CLEC16A: variants seen among roughly 807,000 people sequenced by gnomAD.
The protein encoded by CLEC16A is protein CLEC16A.
A neutral mutation model predicts 109.5 loss-of-function variants in CLEC16A; 51 were observed. The observed-to-expected ratio is 0.47, with a 90% confidence interval of 0.37 to 0.59. CLEC16A has a LOEUF of 0.59. Ranked by LOEUF, CLEC16A falls within the 20% of genes least tolerant of loss-of-function variation. The pLI, the probability that CLEC16A is intolerant of heterozygous loss-of-function variation, is 0.00. For synonymous variants in CLEC16A, 673 were observed against 564.2 expected (o/e 1.19, Z -2.73); for missense variants, 1,339 against 1,394.0 (o/e 0.96, Z 0.63).
chr16:10,978,114 C>T (rs1048519891), intron 8 of CLEC16A, among the ~76,000 whole-genome samples: 2 of 152,310 alleles, frequency 1.3e-5, no homozygotes, highest in Admixed American at 6.5e-5. Flanking sequence ...GGATGGAGCA[C>T]ACTCAGGGAA....
intron 18 of CLEC16A, among the ~76,000 whole-genome samples, chr16:11,052,933 A>T (rs542530142): frequency 2.0e-5 from 3 of 152,016 alleles, no homozygotes; most frequent in African/African-American, 7.2e-5. Flanking sequence ...GTGAGCTGTG[A>T]TCCATCCTGG....
intron 19 of CLEC16A, among the ~76,000 whole-genome samples, chr16:11,117,371 C>A (rs1186524018): frequency 6.6e-6 from 1 of 152,192 alleles, no homozygotes; most frequent in Non-Finnish European, 1.5e-5. Context: ...CTCTTCTAAT[C>A]AGAGGCTTCT....
At chr16:11,061,248 G>T (rs1421658518) in intron 19 of CLEC16A, among the ~76,000 whole-genome samples, 2 of 152,182 alleles carry the variant, frequency 1.3e-5, no homozygotes, top group Non-Finnish European at 2.9e-5. Context: ...CACACAGCTG[G>T]TTCTCTAAAA....
intron 21 of CLEC16A, 75 bp downstream of exon 21, chr16:11,124,021 C>T (rs931511429): frequency 6.2e-6 from 8 of 1,289,540 alleles, no homozygotes; most frequent in Non-Finnish European, 7.6e-6. Flanking sequence ...CTCACACTGA[C>T]CTTGAGAACC....
chr16:11,118,986 G>T (rs1006877657), intron 19 of CLEC16A, among the ~76,000 whole-genome samples: 1 of 152,024 alleles, frequency 6.6e-6, no homozygotes, highest in Non-Finnish European at 1.5e-5. Flanking sequence ...ATTCTGTTCT[G>T]TTGGTCCATG....
In CLEC16A at chr16:11,166,566, G is replaced by A; in HGVS notation, c.2806+14G>A. On this transcript the variant is annotated intron_variant, in intron 23 of 23. Coordinates refer to ENST00000409790, the MANE Select transcript of CLEC16A (RefSeq NM_015226.3). ...AGAGTCCAGCAGGTATTGGCCACGT[G>A]ACTCAGTGATATGGGGACATTTGGA... The A allele has an allele frequency of 6.4e-7, 1 of 1,573,154 alleles. No individual in the cohort carries two copies. The highest frequency in any genetic ancestry group is 8.6e-7 in the Non-Finnish European group (1 of 1,159,600).
At chr16:11,044,183 C>T in intron 16 of CLEC16A, 111 bp downstream of exon 16, 1 of 859,786 alleles carries the variant, frequency 1.2e-6, no homozygotes, top group Non-Finnish European at 1.7e-6. Context: ...ATTTTTTATG[C>T]CTATAATTAC....
intron 11 of CLEC16A, among the ~76,000 whole-genome samples, chr16:11,016,204 C>T (rs981292889): frequency 1.3e-5 from 2 of 148,182 alleles, no homozygotes; most frequent in African/African-American, 2.5e-5. Flanking sequence ...CACTGAGGTC[C>T]ATACCCACTT....
rs7185814 is a variant in CLEC16A, at chr16:11,004,845, G to A, written c.1303+1540G>A. 4.0e-3 allele frequency among the ~76,000 whole-genome samples: 608 copies of A among 152,142 alleles called. 4 individuals carry two copies. Among genetic ancestry groups the A allele is most frequent in the African/African-American group, 0.014 (578 of 41,518 alleles). ...AGTGTGCAATAGGTGTTTTGGTTTA[G>A]GAATTCATTTTTGGCCTGGGAAGCC... is the stretch of plus-strand genomic sequence containing the variant. On this transcript the variant is annotated intron_variant, in intron 11 of 23. Transcript: ENST00000409790.
chr16:11,085,911 G>T (rs572816024), intron 19 of CLEC16A, among the ~76,000 whole-genome samples: 1 of 152,268 alleles, frequency 6.6e-6, no homozygotes, highest in South Asian at 2.1e-4. Flanking sequence ...ATTTCAACCT[G>T]AGATTGGGCG....
chr16:11,169,025 G>A (rs2068393730), intron 23 of CLEC16A, among the ~76,000 whole-genome samples: 1 of 152,214 alleles, frequency 6.6e-6, no homozygotes, highest in African/African-American at 2.4e-5. Context: ...GTGGGCCAGG[G>A]CCTCTCCTCC....
At chr16:11,162,329 G>C (rs1161227947) in intron 22 of CLEC16A, among the ~76,000 whole-genome samples, 1 of 152,212 alleles carries the variant, frequency 6.6e-6, no homozygotes, top group Non-Finnish European at 1.5e-5. Context: ...CCAGGGGAGA[G>C]AGCTTCAGAG....
chr16:11,035,765 C>T (rs574508927), intron 13 of CLEC16A, among the ~76,000 whole-genome samples: 2 of 152,342 alleles, frequency 1.3e-5, no homozygotes, highest in Admixed American at 6.5e-5. Context: ...CTCCTTCCTT[C>T]CAAAGACACT....
chr16:11,094,946 C>A lies in CLEC16A; in HGVS notation c.2117-25669C>A, dbSNP rs551312376. ...GATGATCCCCGATAAAGCACTTAAC[C>A]TTTTGCAGCTCTGGGCTCCCTCAGT... On this transcript the variant is annotated intron_variant, in intron 19 of 23. Coordinates refer to ENST00000409790, the MANE Select transcript of CLEC16A (RefSeq NM_015226.3). Among the ~76,000 whole-genome samples, 7 of 152,286 alleles carry A rather than the reference C, an allele frequency of 4.6e-5. No homozygotes were observed. The South Asian group carries it at 1.5e-3, about 32-fold the overall frequency.
chr16:11,013,880 A>G (rs534383972), intron 11 of CLEC16A, among the ~76,000 whole-genome samples: 13 of 152,274 alleles, frequency 8.5e-5, no homozygotes, highest in African/African-American at 2.9e-4. Context: ...CAGAAGTTGT[A>G]GTGAGCTGAG....
chr16:10,970,483 T>G (rs2042727290), intron 4 of CLEC16A, among the ~76,000 whole-genome samples: 1 of 152,234 alleles, frequency 6.6e-6, no homozygotes, highest in African/African-American at 2.4e-5. Context: ...AAACAGAGGT[T>G]TAGAAATACT....
chr16:11,095,036 A>G (rs149559109), intron 19 of CLEC16A, among the ~76,000 whole-genome samples: 2 of 152,122 alleles, frequency 1.3e-5, no homozygotes, highest in African/African-American at 4.8e-5. Flanking sequence ...AACTAGAATG[A>G]AAGTCACATT....
At chr16:11,056,066 T>G (rs2048197849) in intron 18 of CLEC16A, among the ~76,000 whole-genome samples, 1 of 152,116 alleles carries the variant, frequency 6.6e-6, no homozygotes, top group Non-Finnish European at 1.5e-5. Context: ...GGGAAATTCA[T>G]GTTGAAATGA....
At chr16:11,022,310 C>T (rs1378290148) in intron 12 of CLEC16A, among the ~76,000 whole-genome samples, 1 of 149,144 alleles carries the variant, frequency 6.7e-6, no homozygotes, top group Non-Finnish European at 1.5e-5. Context: ...GTTGGGACTA[C>T]AGGCCAGAGT....
Sources: allele counts gnomAD v4.1 joint callset (sites outside exome capture counted in the v4.1 genomes callset), GRCh38; gene constraint gnomAD v4.1.1; transcripts MANE v1.5; gene names NCBI Gene and HGNC (gene_info 2026-07-23, HGNC 2026-07-21).